Variants in EXPH5 observed in about 807,000 individuals in gnomAD.
The protein encoded by EXPH5 is exophilin 5.
Under a neutral mutation model 41.1 loss-of-function variants are expected in EXPH5, and 42 were observed. The observed-to-expected ratio is 1.02, with a 90% CI of 0.80 to 1.32. EXPH5 has a LOEUF of 1.32. Ranked by LOEUF, EXPH5 falls within the 40% of genes most tolerant of loss-of-function variation. The pLI is 0.00. For synonymous variants in EXPH5, 798 were observed against 833.5 expected, an observed-to-expected ratio of 0.96 and a Z score of 0.73; for missense variants, 2,298 against 2,314.5, an observed-to-expected ratio of 0.99 and a Z score of 0.15.
At position 108,593,579 on chromosome 11, in the gene EXPH5, T is replaced by A; in HGVS notation, c.-43A>T. On this transcript the variant is annotated 5_prime_UTR_variant, in exon 1 of 6. Coordinates refer to ENST00000265843, the MANE Select transcript of EXPH5 (RefSeq NM_015065.3). The stretch of plus-strand genomic sequence containing the variant: ...AGTTACACTTAAGCTCCTTGGCGCC[T>A]CCTGTTAGGAAGGCATTTTTCAACC... 6.2e-7 allele frequency: 1 copy of A among 1,613,586 alleles called. No individual in the cohort carries two copies. Among genetic ancestry groups the A allele is most frequent in the Non-Finnish European group, 8.5e-7 (1 of 1,179,796 alleles).
chr11:108,518,659 G>A (rs1192472379), intron 4 of EXPH5, among the ~76,000 whole-genome samples: 2 of 152,292 alleles, frequency 1.3e-5, no homozygotes, highest in South Asian at 2.1e-4. Context: ...TGTCAGAGGC[G>A]TTTGAATCAG....
At chr11:108,539,280 T>A in intron 2 of EXPH5, 94 bp from the exon 3 acceptor site, 1 of 944,928 alleles carries the variant, frequency 1.1e-6, no homozygotes, top group Non-Finnish European at 1.6e-6. Context: ...ACTTTCTCCC[T>A]CTTATGCAGA....
rs2093701221 is a variant in EXPH5 at position 108,513,767 on chromosome 11, T to C, written c.1740A>G (p.Pro580=). ...TTGAACCAGTCATGGAGCAAACATT[T>C]GGTGTGCCAAAATGAGGAGTCAACT... ...ETQLTPHFGT[P]NVCSMTGSSY... is the part of the protein sequence containing the mutation. The change falls in exon 6 of 6, where the codon CCA becomes CCG. Residue 580 remains proline (P), a synonymous_variant. Coordinates refer to ENST00000265843, the MANE Select transcript of EXPH5 (RefSeq NM_015065.3). The C allele has an allele frequency of 6.2e-6, 10 of 1,605,110 alleles. No individual in the cohort carries two copies. The highest frequency in any genetic ancestry group is 8.5e-6 in the Non-Finnish European group (10 of 1,176,470).
chr11:108,594,525 G>C (rs531535143), upstream of EXPH5, among the ~76,000 whole-genome samples: 1 of 152,276 alleles, frequency 6.6e-6, no homozygotes, highest in South Asian at 2.1e-4. Context: ...TTCCTAGAAA[G>C]TCAATTGTTC....
intron 1 of EXPH5, among the ~76,000 whole-genome samples, chr11:108,569,068 G>A (rs1390873793): frequency 6.6e-6 from 1 of 152,062 alleles, no homozygotes; most frequent in Non-Finnish European, 1.5e-5. Context: ...TTCCTCTCAC[G>A]TTGCACTCTG....
In EXPH5 at chr11:108,523,643, G is replaced by A. The variant is rs1030335673; in HGVS notation, c.492+4493C>T. 1.2e-4 allele frequency among the ~76,000 whole-genome samples: 19 copies of A among 152,262 alleles called. No homozygotes were observed. In the East Asian group the frequency reaches 2.9e-3, roughly 23 times the overall value. On this transcript the variant is annotated intron_variant, in intron 4 of 5. Transcript: ENST00000265843. ...TCTCAGCATTTTGGGAGGCCAAGGC[G>A]GGCAGATTGCTTGAGCTCCAGAGTT...
intron 1 of EXPH5, among the ~76,000 whole-genome samples, chr11:108,552,585 AC>A (rs2093971486): frequency 6.6e-6 from 1 of 152,192 alleles, no homozygotes; most frequent in African/African-American, 2.4e-5. Context: ...TGTGATAGAG[AC>A]TGCCTACTCT....
chr11:108,541,046 A>G (rs1335792112), intron 2 of EXPH5, among the ~76,000 whole-genome samples: 1 of 152,096 alleles, frequency 6.6e-6, no homozygotes, highest in Non-Finnish European at 1.5e-5. Context: ...CTGGGGCTAC[A>G]GGTGGGCACC....
intron 4 of EXPH5, among the ~76,000 whole-genome samples, chr11:108,525,261 C>T (rs1249372335): frequency 2.6e-5 from 4 of 152,288 alleles, no homozygotes; most frequent in East Asian, 1.9e-4. Context: ...AATACACAGG[C>T]CCTGCCTGAG....
At chr11:108,596,783 G>A (rs550792082), upstream of EXPH5, among the ~76,000 whole-genome samples, 2 of 152,284 alleles carry the variant, frequency 1.3e-5, no homozygotes, top group South Asian at 4.1e-4. Flanking sequence ...GCATACTATT[G>A]AGAAATTTTT....
At chr11:108,603,847 T>C in the EXPH5 span, among the ~76,000 whole-genome samples, 6 of 152,144 alleles carry the variant, frequency 3.9e-5, 1 homozygote, top group Non-Finnish European at 7.4e-5. Flanking sequence ...AATGATAAGG[T>C]GCAAGGCTTC....
intron 1 of EXPH5, among the ~76,000 whole-genome samples, chr11:108,582,073 G>A (rs958150727): frequency 3.3e-5 from 5 of 152,172 alleles, no homozygotes; most frequent in African/African-American, 1.2e-4. Flanking sequence ...TAAGGAAGAA[G>A]CAATGCCAGG....
chr11:108,591,241 T>C (rs2094126877), intron 1 of EXPH5, among the ~76,000 whole-genome samples: 2 of 152,230 alleles, frequency 1.3e-5, no homozygotes, highest in Non-Finnish European at 2.9e-5. Context: ...AAGTCATGTG[T>C]CCTGATTTTT....
intron 1 of EXPH5, among the ~76,000 whole-genome samples, chr11:108,560,925 G>T (rs1271129261): frequency 1.3e-5 from 2 of 152,232 alleles, no homozygotes; most frequent in Non-Finnish European, 2.9e-5. Context: ...CAATAATAAA[G>T]TTTGTGATCA....
intron 1 of EXPH5, among the ~76,000 whole-genome samples, chr11:108,592,311 T>G (rs555241654): frequency 1.3e-5 from 2 of 152,200 alleles, no homozygotes; most frequent in Non-Finnish European, 2.9e-5. Context: ...TAGTGTATTC[T>G]AATTCTTTCT....
chr11:108,592,783 G>A (rs2094130553), intron 1 of EXPH5, among the ~76,000 whole-genome samples: 1 of 152,170 alleles, frequency 6.6e-6, no homozygotes, highest in African/African-American at 2.4e-5. Context: ...ACCCATTCCA[G>A]CCAACCCCGT....
intron 1 of EXPH5, among the ~76,000 whole-genome samples, chr11:108,587,998 C>A (rs764531392): frequency 4.6e-5 from 7 of 152,168 alleles, no homozygotes; most frequent in Non-Finnish European, 8.8e-5. Flanking sequence ...GGCAATCCAC[C>A]CATCTCAGCC....
At chr11:108,533,677 T>A (rs2093859226) in intron 3 of EXPH5, among the ~76,000 whole-genome samples, 1 of 152,222 alleles carries the variant, frequency 6.6e-6, no homozygotes, top group Admixed American at 6.5e-5. Context: ...GTCTCTACAC[T>A]GTTGACGTTT....
chr11:108,516,516 A>G lies in EXPH5; in HGVS notation c.632-1641T>C, dbSNP rs536526182. On this transcript the variant is annotated intron_variant, in intron 5 of 5. Coordinates refer to ENST00000265843, the MANE Select transcript of EXPH5 (RefSeq NM_015065.3). ...CACTCTATAATAGATATAGTTTACT[A>G]TATTCATGTTCAATAAATACAAATA... is the stretch of plus-strand genomic sequence containing the variant. 2.6e-5 allele frequency among the ~76,000 whole-genome samples: 4 copies of G among 152,354 alleles called. No homozygotes were observed. In the South Asian group the frequency reaches 8.3e-4, roughly 32 times the overall value.
Sources: gnomAD v4.1 joint callset for allele counts (sites outside exome capture counted in the v4.1 genomes callset) on GRCh38, gnomAD v4.1.1 for gene constraint, MANE v1.5 for transcripts, NCBI Gene and HGNC (gene_info 2026-07-23, HGNC 2026-07-21) for gene names.